Variants in SKAP1 observed in about 807,000 individuals in gnomAD.
SKAP1 encodes the protein src kinase associated phosphoprotein 1.
SKAP1 carries 44 observed loss-of-function variants against 58.5 expected under a neutral mutation model. That is an observed-to-expected ratio of 0.75 (90% CI 0.59 to 0.97). The LOEUF (loss-of-function observed/expected upper bound fraction) is 0.97. Among genes scored for constraint, SKAP1 ranks in the 50% least tolerant of loss-of-function variants. SKAP1 has a pLI of 0.00. For synonymous variants in SKAP1, 127 were observed against 149.7 expected, an observed-to-expected ratio of 0.85 and a Z score of 1.11; for missense variants, 390 against 435.2, an observed-to-expected ratio of 0.90 and a Z score of 0.92.
chr17:48,231,214 C>A (rs1319912607), intron 4 of SKAP1, among the ~76,000 whole-genome samples: 1 of 152,186 alleles, frequency 6.6e-6, no homozygotes, highest in Non-Finnish European at 1.5e-5. Flanking sequence ...GAATGAATTT[C>A]TGGGTCAGGT....
intron 4 of SKAP1, among the ~76,000 whole-genome samples, chr17:48,209,228 C>T (rs1329589616): frequency 6.6e-6 from 1 of 152,130 alleles, no homozygotes; most frequent in East Asian, 1.9e-4. Flanking sequence ...TACTGCTACA[C>T]AAAGAATACA....
intron 4 of SKAP1, among the ~76,000 whole-genome samples, chr17:48,265,907 A>G (rs1005824299): frequency 6.6e-6 from 1 of 152,212 alleles, no homozygotes; most frequent in Admixed American, 6.5e-5. Flanking sequence ...CAAGTTTTCA[A>G]CTTAACTTAT....
At chr17:48,347,200 GACAGCTGCTTATTTCATTTCACAA>G in intron 3 of SKAP1, among the ~76,000 whole-genome samples, 1 of 152,270 alleles carries the variant, frequency 6.6e-6, no homozygotes. Flanking sequence ...AAAGGACACT[GACAGCTGCTTATTTCATTTCACAA>G]ACATGAAAAT....
intron 4 of SKAP1, among the ~76,000 whole-genome samples, chr17:48,244,105 CT>C (rs2065269383): frequency 6.6e-6 from 1 of 152,160 alleles, no homozygotes; most frequent in Non-Finnish European, 1.5e-5. Flanking sequence ...AATGGTTAGC[CT>C]TAATGCCTGA....
At chr17:48,156,732 C>T (rs1713684521) in intron 11 of SKAP1, among the ~76,000 whole-genome samples, 1 of 152,198 alleles carries the variant, frequency 6.6e-6, no homozygotes, top group Non-Finnish European at 1.5e-5. Context: ...GGGAGTCCTC[C>T]TGCTGACTGT....
In SKAP1 at chr17:48,345,903, A is replaced by G. The variant is rs200077452; in HGVS notation, c.280+2T>C. ...CCCAAAATCCAGAAGGATAACACTC[A>G]CCCTCATCCTGATAATCTGACAAAA... is the stretch of plus-strand genomic sequence containing the variant. On this transcript the variant is annotated splice_donor_variant, in intron 4 of 12. Transcript: ENST00000336915. LOFTEE classifies it high-confidence loss of function. 1 of 1,603,892 alleles carries G rather than the reference A, an allele frequency of 6.2e-7. No homozygotes were observed. The highest frequency in any genetic ancestry group is 8.5e-7 in the Non-Finnish European group (1 of 1,171,336).
rs114813175 is a variant in SKAP1 at position 48,191,459 on chromosome 17, T to C, written c.281-1959A>G. Among the ~76,000 whole-genome samples the C allele has an allele frequency of 4.7e-3, 713 of 152,336 alleles. 3 individuals carry two copies. Among genetic ancestry groups the C allele is most frequent in the African/African-American group, 0.016 (668 of 41,564 alleles). On this transcript the variant is annotated intron_variant, in intron 4 of 12. Coordinates refer to ENST00000336915, the MANE Select transcript of SKAP1 (RefSeq NM_003726.4). The stretch of plus-strand genomic sequence containing the variant: ...ACATATGAATCAACTGGGCCACCTA[T>C]AGAGTATCTTGAGAGTTATGGTTGA...
intron 4 of SKAP1, among the ~76,000 whole-genome samples, chr17:48,303,336 C>T (rs1160399161): frequency 6.6e-6 from 1 of 152,178 alleles, no homozygotes; most frequent in Non-Finnish European, 1.5e-5. Flanking sequence ...GGCTCTCTAT[C>T]CCTAGATATT....
chr17:48,187,723 A>G, intron 6 of SKAP1, 120 bp downstream of exon 6: 1 of 639,226 alleles, frequency 1.6e-6, no homozygotes, highest in Admixed American at 2.9e-5. Flanking sequence ...TTTCTTTCCT[A>G]AGCATGTCCC....
intron 11 of SKAP1, among the ~76,000 whole-genome samples, chr17:48,150,158 GC>G (rs1322712453): frequency 6.6e-6 from 1 of 152,172 alleles, no homozygotes; most frequent in Non-Finnish European, 1.5e-5. Flanking sequence ...AAAGACCCTT[GC>G]TGTAGGATCA....
chr17:48,392,785 G>A (rs2067365347), intron 2 of SKAP1, among the ~76,000 whole-genome samples: 1 of 151,876 alleles, frequency 6.6e-6, no homozygotes, highest in South Asian at 2.1e-4. Flanking sequence ...GCCAGAACCT[G>A]GGAGGTGGAG....
chr17:48,186,324 G>A (rs2064450309), intron 6 of SKAP1, among the ~76,000 whole-genome samples: 1 of 152,106 alleles, frequency 6.6e-6, no homozygotes, highest in South Asian at 2.1e-4. Flanking sequence ...TTTGCCCCTA[G>A]ATGCGAAATG....
At chr17:48,441,935 C>A in the SKAP1 span, among the ~76,000 whole-genome samples, 19 of 152,104 alleles carry the variant, frequency 1.2e-4, no homozygotes, top group Admixed American at 2.6e-4. Flanking sequence ...ATTTCCCAAC[C>A]TTTTCCAGGA....
At chr17:48,348,156 A>G (rs2144337469) in intron 3 of SKAP1, among the ~76,000 whole-genome samples, 1 of 152,168 alleles carries the variant, frequency 6.6e-6, no homozygotes, top group South Asian at 2.1e-4. Flanking sequence ...CCTGGGCAAC[A>G]TGACAATACC....
chr17:48,180,264 T>C lies in SKAP1; in HGVS notation c.632-16A>G. 1 of 1,521,354 alleles carries C rather than the reference T, an allele frequency of 6.6e-7. No individual in the cohort carries two copies. The highest frequency in any genetic ancestry group is 8.8e-7 in the Non-Finnish European group (1 of 1,131,492). 94.2% of individuals were successfully genotyped at this position (1,521,354 alleles called of 1,614,324 possible). A position where few individuals can be genotyped will look rare whatever the true frequency, so the allele number is the denominator to read the frequency against. ...GAGCTCAGATCTAACAAGGCAAAGA[T>C]GAGAATGAATCAAGAAACAGAGAAA... On this transcript the variant is annotated splice_polypyrimidine_tract_variant and intron_variant, in intron 8 of 12. Coordinates refer to ENST00000336915, the MANE Select transcript of SKAP1 (RefSeq NM_003726.4).
chr17:48,157,786 C>T (rs1300297968), intron 11 of SKAP1, among the ~76,000 whole-genome samples: 2 of 151,884 alleles, frequency 1.3e-5, no homozygotes, highest in Non-Finnish European at 2.9e-5. Flanking sequence ...GCCTCGGCCT[C>T]CCAAAGTGTT....
chr17:48,158,940 A>G (rs1385330816), intron 11 of SKAP1, among the ~76,000 whole-genome samples: 1 of 150,298 alleles, frequency 6.7e-6, no homozygotes, highest in Non-Finnish European at 1.5e-5. Context: ...CAGCCTGGCA[A>G]CAGAGCGAGA....
At chr17:48,441,059 A>G in the SKAP1 span, among the ~76,000 whole-genome samples, 2 of 152,248 alleles carry the variant, frequency 1.3e-5, no homozygotes, top group African/African-American at 2.4e-5. Context: ...TTCAGTTGCC[A>G]GTTATCCTGC....
rs1567785507 is a variant in SKAP1, at chr17:48,133,750, G to A, written c.*74C>T. 6.6e-6 allele frequency: 1 copy of A among 152,606 alleles called. No homozygotes were observed. Among genetic ancestry groups the A allele is most frequent in the Non-Finnish European group, 1.5e-5 (1 of 68,048 alleles). 9.5% of individuals were successfully genotyped at this position (152,606 alleles called of 1,614,324 possible). A position where few individuals can be genotyped will look rare whatever the true frequency, so the allele number is the denominator to read the frequency against. ...CCAAGGCGTTGGTGGGGTGGCAGAAGTAGGGAGTGGGAACTTTTGATGATC... is the reference window on the plus strand; with the variant it reads ...CCAAGGCGTTGGTGGGGTGGCAGAAATAGGGAGTGGGAACTTTTGATGATC... On this transcript the variant is annotated 3_prime_UTR_variant, in exon 13 of 13. Coordinates refer to ENST00000336915, the MANE Select transcript of SKAP1 (RefSeq NM_003726.4).
Sources: gnomAD v4.1 joint callset for allele counts (sites outside exome capture counted in the v4.1 genomes callset) on GRCh38, gnomAD v4.1.1 for gene constraint, MANE v1.5 for transcripts, NCBI Gene and HGNC (gene_info 2026-07-23, HGNC 2026-07-21) for gene names.